GTF2F2: variants seen among roughly 807,000 people sequenced by gnomAD.
The protein encoded by GTF2F2 is general transcription factor IIF subunit 2, also known as ATP-dependent helicase GTF2F2.
In GTF2F2, 23 loss-of-function variants were observed where a neutral mutation model predicts 42.2. That is an observed-to-expected ratio of 0.55 (90% CI 0.39 to 0.77). The LOEUF (loss-of-function observed/expected upper bound fraction) is 0.77, where lower values mean the gene tolerates loss of function less well. GTF2F2 is among the 30% of genes least tolerant of loss of function. The probability of loss-of-function intolerance (pLI) is 0.00; values close to 1 mark genes in which losing one functional copy is unlikely to be tolerated. For missense variants in GTF2F2, 261 were observed against 287.2 expected (o/e 0.91, Z 0.66); for synonymous variants, 105 against 100.8 (o/e 1.04, Z -0.25).
intron 5 of GTF2F2, among the ~76,000 whole-genome samples, chr13:45,212,675 C>T (rs545453084): frequency 6.6e-6 from 1 of 151,896 alleles, no homozygotes; most frequent in Non-Finnish European, 1.5e-5. Context: ...AAACGATTCT[C>T]CTGCCTCAGT....
intron 7 of GTF2F2, among the ~76,000 whole-genome samples, chr13:45,279,910 G>A (rs995937249): frequency 1.3e-5 from 2 of 151,434 alleles, no homozygotes; most frequent in Non-Finnish European, 2.9e-5. Context: ...TGTTCCCACC[G>A]TCCCCCCGCC....
intron 4 of GTF2F2, among the ~76,000 whole-genome samples, chr13:45,197,509 C>CAAAA (rs1195927657): frequency 3.3e-5 from 3 of 91,500 alleles, no homozygotes; most frequent in African/African-American, 1.2e-4. Context: ...ACCCTGTCTC[C>CAAAA]AAAAAAAAAA....
At chr13:45,227,126 A>C (rs1172538224) in intron 5 of GTF2F2, among the ~76,000 whole-genome samples, 3 of 152,110 alleles carry the variant, frequency 2.0e-5, no homozygotes, top group African/African-American at 7.2e-5. Flanking sequence ...ATATAGCTGG[A>C]TTATAGGAAA....
rs143324330 is a variant in GTF2F2 at position 45,205,843 on chromosome 13, T to C, written c.305-1581T>C. Reference sequence around the variant, plus strand: ...TAGATTTATTTTTTTAAAGGATTAATTGTCTTCCTTTATTGGACTTTCCTT... The same window carrying C: ...TAGATTTATTTTTTTAAAGGATTAACTGTCTTCCTTTATTGGACTTTCCTT... On this transcript the variant is annotated intron_variant, in intron 4 of 7. Transcript: ENST00000340473. 5.1e-3 allele frequency among the ~76,000 whole-genome samples: 770 copies of C among 152,322 alleles called. 5 individuals carry two copies. The highest frequency in any genetic ancestry group is 0.018 in the African/African-American group (747 of 41,578).
chr13:45,251,488 A>G (rs188046014), intron 5 of GTF2F2, among the ~76,000 whole-genome samples: 34 of 152,338 alleles, frequency 2.2e-4, no homozygotes, highest in Admixed American at 7.8e-4. Context: ...TCTTCAGGTT[A>G]TAAAAGTAGT....
At chr13:45,193,706 G>T (rs1872746715) in intron 4 of GTF2F2, 11 of 1,310,882 alleles carry the variant, frequency 8.4e-6, no homozygotes, top group Non-Finnish European at 1.2e-5. Context: ...AGCTGGGCAT[G>T]TTATTTGGGA....
At chr13:45,137,821 C>CA (rs913819938) in intron 2 of GTF2F2, among the ~76,000 whole-genome samples, 4 of 146,730 alleles carry the variant, frequency 2.7e-5, no homozygotes, top group South Asian at 2.1e-4. Context: ...GAAGCTGCTG[C>CA]AAAAAAAACT....
intron 1 of GTF2F2, among the ~76,000 whole-genome samples, chr13:45,136,433 G>A (rs545330598): frequency 3.9e-5 from 6 of 152,308 alleles, no homozygotes; most frequent in African/African-American, 1.4e-4. Flanking sequence ...AGCCTTTTCT[G>A]ATAGCCTTTC....
At chr13:45,212,399 A>T (rs1873686266) in intron 5 of GTF2F2, among the ~76,000 whole-genome samples, 1 of 151,188 alleles carries the variant, frequency 6.6e-6, no homozygotes, top group African/African-American at 2.4e-5. Context: ...TGCTACTTAA[A>T]TGCTGCATCT....
chr13:45,162,312 C>T (rs1010288571), intron 4 of GTF2F2, among the ~76,000 whole-genome samples: 3 of 152,196 alleles, frequency 2.0e-5, no homozygotes, highest in Admixed American at 6.5e-5. Context: ...TTTCTCACTC[C>T]GCTAGTAAAG....
At chr13:45,141,220 A>G (rs1338748064) in intron 2 of GTF2F2, among the ~76,000 whole-genome samples, 2 of 152,252 alleles carry the variant, frequency 1.3e-5, no homozygotes, top group African/African-American at 2.4e-5. Flanking sequence ...AGAGAAACCC[A>G]TGTAAATCTC....
chr13:45,278,752 A>G (rs920775200), intron 7 of GTF2F2, among the ~76,000 whole-genome samples: 2 of 151,086 alleles, frequency 1.3e-5, no homozygotes, highest in Non-Finnish European at 2.9e-5. Context: ...GTGGTCTCAT[A>G]ATACCCTGTA....
chr13:45,187,751 T>G (rs1416761007), intron 4 of GTF2F2, among the ~76,000 whole-genome samples: 4 of 152,230 alleles, frequency 2.6e-5, no homozygotes, highest in African/African-American at 9.6e-5. Context: ...TTTTGGATAG[T>G]CCTCCATATT....
At chr13:45,156,553 G>A (rs997267460) in intron 4 of GTF2F2, among the ~76,000 whole-genome samples, 2 of 152,146 alleles carry the variant, frequency 1.3e-5, no homozygotes, top group African/African-American at 4.8e-5. Context: ...TGGTGCAATG[G>A]GAGTGGAAAA....
chr13:45,121,812 ATTTG>A (rs1179603297), intron 1 of GTF2F2, among the ~76,000 whole-genome samples: 2 of 152,210 alleles, frequency 1.3e-5, no homozygotes, highest in African/African-American at 4.8e-5. Context: ...TGTGGCACTC[ATTTG>A]ACTTATTTCC....
In GTF2F2 at chr13:45,158,976, C is replaced by T. The variant is rs1019767393; in HGVS notation, c.304+7145C>T. Among the ~76,000 whole-genome samples the T allele has an allele frequency of 3.9e-5, 6 of 152,176 alleles. No individual in the cohort carries two copies. The South Asian group carries it at 6.2e-4, about 16-fold the overall frequency. ...TTGATTCAAAGTGGTTTTCTTAAGA[C>T]ACTTGAGGTTCAGAATCGAATATTC... On this transcript the variant is annotated intron_variant, in intron 4 of 7. Coordinates refer to ENST00000340473, the MANE Select transcript of GTF2F2 (RefSeq NM_004128.3).
intron 1 of GTF2F2, among the ~76,000 whole-genome samples, chr13:45,132,711 T>G (rs1363108992): frequency 6.6e-6 from 1 of 151,666 alleles, no homozygotes; most frequent in Non-Finnish European, 1.5e-5. Context: ...TTAAAGAGGG[T>G]AAAGCAAGTA....
At chr13:45,231,739 C>T (rs1874696685) in intron 5 of GTF2F2, among the ~76,000 whole-genome samples, 1 of 152,090 alleles carries the variant, frequency 6.6e-6, no homozygotes, top group African/African-American at 2.4e-5. Context: ...AATTTTCAAA[C>T]AGCATATTAA....
At chr13:45,126,706 A>G (rs1247002103) in intron 1 of GTF2F2, among the ~76,000 whole-genome samples, 1 of 152,246 alleles carries the variant, frequency 6.6e-6, no homozygotes, top group Non-Finnish European at 1.5e-5. Context: ...ATAGCCCAGT[A>G]TAGGAGACAG....
Sources: allele counts gnomAD v4.1 joint callset (sites outside exome capture counted in the v4.1 genomes callset), GRCh38; gene constraint gnomAD v4.1.1; transcripts MANE v1.5; gene names NCBI Gene and HGNC (gene_info 2026-07-23, HGNC 2026-07-21).